The following KBTBD12 variants were observed in gnomAD, a reference collection of about 807,000 sequenced individuals.
The protein encoded by KBTBD12 is kelch repeat and BTB domain containing 12.
A neutral mutation model predicts 58.7 loss-of-function variants in KBTBD12; 53 were observed. That is an observed-to-expected ratio of 0.90 (90% CI 0.72 to 1.14). KBTBD12 has a LOEUF of 1.14. KBTBD12 is among the 50% of genes most tolerant of loss of function. The pLI is 0.00. For missense variants in KBTBD12, 704 were observed against 751.3 expected (o/e 0.94, Z 0.74); for synonymous variants, 236 against 259.8 (o/e 0.91, Z 0.88).
rs1576372070 is a variant in KBTBD12 at position 127,926,218 on chromosome 3, A to C, written c.1071-1546A>C. ...TGTTTCAGTTCTAAATGTGAAAACA[A>C]AAATCAGATTAGGAAGTCACCCAGC... On this transcript the variant is annotated intron_variant, in intron 2 of 5. Coordinates refer to ENST00000405109, the MANE Select transcript of KBTBD12 (RefSeq NM_207335.4). Among the ~76,000 whole-genome samples the C allele has an allele frequency of 2.6e-5, 4 of 152,304 alleles. 1 individual carries two copies. The South Asian group carries it at 8.3e-4, about 32-fold the overall frequency.
At chr3:127,964,114 G>T (rs1005989210) in intron 5 of KBTBD12, among the ~76,000 whole-genome samples, 2 of 151,982 alleles carry the variant, frequency 1.3e-5, no homozygotes, top group African/African-American at 4.8e-5. Flanking sequence ...TCCAAAGTTT[G>T]ATTAGTGGCA....
chr3:127,963,341 G>T lies in KBTBD12; in HGVS notation c.1645G>T (p.Ala549Ser). The T allele has an allele frequency of 6.2e-7, 1 of 1,612,196 alleles. No homozygotes were observed. The highest frequency in any genetic ancestry group is 1.3e-5 in the African/African-American group (1 of 75,034). Residue 549 changes from alanine to serine, a missense_variant, in exon 5 of 6, where the codon GCA (alanine) becomes TCA (serine). Ala to Ser is a moderately conservative substitution (Grantham distance 99). Coordinates refer to ENST00000405109, the MANE Select transcript of KBTBD12 (RefSeq NM_207335.4). ...CCGCACCAATTCCACCAATGCAGGGGCAGTGGATGGGAAACTCTATGTCTG... is the reference window on the plus strand; with the variant it reads ...CCGCACCAATTCCACCAATGCAGGGTCAGTGGATGGGAAACTCTATGTCTG... Reference protein sequence around the residue: ...SLRTNSTNAGAVDGKLYVCGG... With the variant: ...SLRTNSTNAGSVDGKLYVCGG...
chr3:127,957,233 A>G (rs950496490), intron 4 of KBTBD12, among the ~76,000 whole-genome samples: 1 of 152,232 alleles, frequency 6.6e-6, no homozygotes, highest in Non-Finnish European at 1.5e-5. Context: ...CACAAGATAA[A>G]TATGCCAAAG....
At chr3:127,929,868 G>T (rs1207408376) in intron 3 of KBTBD12, among the ~76,000 whole-genome samples, 1 of 151,182 alleles carries the variant, frequency 6.6e-6, no homozygotes, top group Non-Finnish European at 1.5e-5. Context: ...AAAAAAAAAA[G>T]CTGTAATGAA....
At chr3:127,982,160 C>T (rs1255667566) in intron 5 of KBTBD12, among the ~76,000 whole-genome samples, 4 of 152,146 alleles carry the variant, frequency 2.6e-5, no homozygotes, top group Non-Finnish European at 5.9e-5. Flanking sequence ...GAGGAAAGAG[C>T]AGGAAATTAT....
chr3:127,962,853 T>A (rs1301275273), intron 4 of KBTBD12, among the ~76,000 whole-genome samples: 1 of 152,230 alleles, frequency 6.6e-6, no homozygotes, highest in African/African-American at 2.4e-5. Flanking sequence ...AAAGTCAGGT[T>A]ACCTTTACAG....
At chr3:127,971,850 C>T (rs1038698079) in intron 5 of KBTBD12, among the ~76,000 whole-genome samples, 1 of 152,192 alleles carries the variant, frequency 6.6e-6, no homozygotes, top group Non-Finnish European at 1.5e-5. Flanking sequence ...ACCTTAGTAT[C>T]AGCCCCTCCA....
At chr3:127,929,428 A>T (rs1250907008) in intron 3 of KBTBD12, among the ~76,000 whole-genome samples, 1 of 152,206 alleles carries the variant, frequency 6.6e-6, no homozygotes, top group African/African-American at 2.4e-5. Context: ...AGTCATATTA[A>T]GTTCCACATA....
At chr3:127,982,077 C>T (rs1465549023) in intron 5 of KBTBD12, among the ~76,000 whole-genome samples, 1 of 152,180 alleles carries the variant, frequency 6.6e-6, no homozygotes, top group Non-Finnish European at 1.5e-5. Context: ...TCTCTGTGTC[C>T]TTCCAGGCTG....
intron 2 of KBTBD12, among the ~76,000 whole-genome samples, chr3:127,924,364 T>C (rs1292772730): frequency 1.3e-5 from 2 of 148,362 alleles, no homozygotes; most frequent in Admixed American, 6.8e-5. Context: ...TAAAAATATA[T>C]AAATATATAA....
chr3:127,968,597 G>T (rs1389268303), intron 5 of KBTBD12, among the ~76,000 whole-genome samples: 1 of 152,140 alleles, frequency 6.6e-6, no homozygotes, highest in Non-Finnish European at 1.5e-5. Flanking sequence ...TGAAAAGTTG[G>T]CTTACCATTT....
Position 127,924,124 on chromosome 3 carries a change from A to G in KBTBD12, c.1063A>G (p.Ile355Val). 6.2e-7 allele frequency: 1 copy of G among 1,603,286 alleles called. No homozygotes were observed. Among genetic ancestry groups the G allele is most frequent in the Non-Finnish European group, 8.5e-7 (1 of 1,172,864 alleles). Residue 355 changes from isoleucine to valine, a missense_variant, in exon 2 of 6, where the codon ATT becomes GTT. Transcript: ENST00000405109. The part of the protein sequence containing the change: ...LSRQKNKNVE[I>V]YRYHDRGNQF... ...TAGACAAAAGAACAAGAATGTTGAA[A>G]TTTATAGGTTTGTATCTAGCAGCAA...
Position 127,915,470 on chromosome 3 carries a change from G to C in KBTBD12, c.-229G>C, listed in dbSNP as rs1054309440. ...CTATTTATATCGCCCAGCCAGCACAGGCCCATATTGGGCAGTGGCCTCAGT... is the reference window on the plus strand; with the variant it reads ...CTATTTATATCGCCCAGCCAGCACACGCCCATATTGGGCAGTGGCCTCAGT... On this transcript the variant is annotated 5_prime_UTR_variant, in exon 1 of 6. Coordinates refer to ENST00000405109, the MANE Select transcript of KBTBD12 (RefSeq NM_207335.4). 6.6e-6 allele frequency: 1 copy of C among 152,504 alleles called. No individual in the cohort carries two copies. Among genetic ancestry groups the C allele is most frequent in the African/African-American group, 2.4e-5 (1 of 41,484 alleles). The allele number at this position is 152,504 out of a possible 1,614,324, so 9.4% of individuals were successfully genotyped here.
chr3:127,939,973 T>G (rs1939916534), intron 4 of KBTBD12, among the ~76,000 whole-genome samples: 1 of 152,018 alleles, frequency 6.6e-6, no homozygotes, highest in Non-Finnish European at 1.5e-5. Flanking sequence ...GAAGATCAAA[T>G]AAAGTAGACT....
chr3:127,944,367 T>G (rs1260411091), intron 4 of KBTBD12, among the ~76,000 whole-genome samples: 1 of 152,208 alleles, frequency 6.6e-6, no homozygotes, highest in Non-Finnish European at 1.5e-5. Flanking sequence ...CATCAGTGTT[T>G]TATAAAGTGT....
Position 127,934,416 on chromosome 3 carries a change from T to A in KBTBD12, c.1492+4133T>A, listed in dbSNP as rs552988740. Among the ~76,000 whole-genome samples, 3 of 151,654 alleles carry A rather than the reference T, an allele frequency of 2.0e-5. No homozygotes were observed. The South Asian group carries it at 6.3e-4, about 32-fold the overall frequency. On this transcript the variant is annotated intron_variant, in intron 4 of 5. Transcript: ENST00000405109. The stretch of plus-strand genomic sequence containing the variant: ...TATAATCTGAAGAAGAGAGAAAAAA[T>A]TGGAGAAAAATTAGCAGGGCTCAGA...
intron 1 of KBTBD12, among the ~76,000 whole-genome samples, chr3:127,916,796 C>T (rs949845842): frequency 6.6e-6 from 1 of 151,188 alleles, no homozygotes; most frequent in African/African-American, 2.4e-5. Context: ...AAGAATGGGG[C>T]CAAATCCCAG....
At chr3:127,975,438 C>A (rs113919981) in intron 5 of KBTBD12, among the ~76,000 whole-genome samples, 4 of 152,296 alleles carry the variant, frequency 2.6e-5, no homozygotes, top group African/African-American at 9.6e-5. Context: ...CCCTAACCAC[C>A]CACCTTCAAA....
chr3:127,941,858 C>T (rs1939958184), intron 4 of KBTBD12, among the ~76,000 whole-genome samples: 1 of 152,172 alleles, frequency 6.6e-6, no homozygotes, highest in African/African-American at 2.4e-5. Flanking sequence ...CCTCAGCCTC[C>T]CAAAGTACTG....
Sources: gnomAD v4.1 joint callset for allele counts (sites outside exome capture counted in the v4.1 genomes callset) on GRCh38, gnomAD v4.1.1 for gene constraint, MANE v1.5 for transcripts, NCBI Gene and HGNC (gene_info 2026-07-23, HGNC 2026-07-21) for gene names.